DOCK1: variants seen among roughly 807,000 people sequenced by gnomAD.
DOCK1 encodes the protein dedicator of cytokinesis protein 1.
In DOCK1, 138 loss-of-function variants were observed where a neutral mutation model predicts 262.7. That is an observed-to-expected ratio of 0.53 (90% confidence interval 0.46 to 0.61). DOCK1 has a LOEUF of 0.61. Ranked by LOEUF, DOCK1 falls within the 20% of genes least tolerant of loss-of-function variation. The pLI, the probability that DOCK1 is intolerant of heterozygous loss-of-function variation, is 0.00. For missense variants in DOCK1, 1,908 were observed against 2,370.7 expected (o/e 0.80, Z 4.05); for synonymous variants, 866 against 867.4 (o/e 1.00, Z 0.03).
rs12266599 is a variant in DOCK1 at position 127,119,602 on chromosome 10, A to G, written c.2624-5872A>G. Among the ~76,000 whole-genome samples, 1,005 of 152,340 alleles carry G rather than the reference A, an allele frequency of 6.6e-3. 6 individuals are homozygous for G. The highest frequency in any genetic ancestry group is 0.012 in the Admixed American group (180 of 15,304). ...GTTGGAAAATAAGACAATTGACTATACAAGATGAATAGCAAACACCCCCCA... is the reference window on the plus strand; with the variant it reads ...GTTGGAAAATAAGACAATTGACTATGCAAGATGAATAGCAAACACCCCCCA... On this transcript the variant is annotated intron_variant, in intron 25 of 51. Coordinates refer to ENST00000623213, the MANE Select transcript of DOCK1 (RefSeq NM_001290223.2).
At chr10:127,013,881 A>T (rs1391503343) in intron 12 of DOCK1, among the ~76,000 whole-genome samples, 1 of 152,238 alleles carries the variant, frequency 6.6e-6, no homozygotes, top group Non-Finnish European at 1.5e-5. Flanking sequence ...TGATGTGGCC[A>T]GTGAGGGCAG....
intron 23 of DOCK1, among the ~76,000 whole-genome samples, chr10:127,096,869 G>T (rs2047939056): frequency 6.6e-6 from 1 of 152,080 alleles, no homozygotes. Context: ...CACTTTGGGA[G>T]GCCAAGACAG....
Position 127,419,651 on chromosome 10 carries a change from C to A in DOCK1, c.4693-15C>A. On this transcript the variant is annotated splice_polypyrimidine_tract_variant and intron_variant, in intron 45 of 51. Coordinates refer to ENST00000623213, the MANE Select transcript of DOCK1 (RefSeq NM_001290223.2). ...CTGAGCAGGTGCACTGAGCAACTCTCCTTGTCTCCACCAGGCCTTCTTTAC... is the reference window on the plus strand; with the variant it reads ...CTGAGCAGGTGCACTGAGCAACTCTACTTGTCTCCACCAGGCCTTCTTTAC... 1 of 1,593,912 alleles carries A rather than the reference C, an allele frequency of 6.3e-7. No homozygotes were observed. The highest frequency in any genetic ancestry group is 8.5e-7 in the Non-Finnish European group (1 of 1,169,596).
chr10:126,937,705 G>T (rs981433593), intron 1 of DOCK1, among the ~76,000 whole-genome samples: 3 of 151,460 alleles, frequency 2.0e-5, no homozygotes, highest in Non-Finnish European at 4.4e-5. Flanking sequence ...ATGTTTCTTT[G>T]TTTTTATTGA....
In DOCK1 at chr10:127,012,060, A is replaced by G. The variant is rs935862495; in HGVS notation, c.1059-172A>G. On this transcript the variant is annotated intron_variant, in intron 11 of 51. Coordinates refer to ENST00000623213, the MANE Select transcript of DOCK1 (RefSeq NM_001290223.2). This position sits in a 1 kb window ranked among gnomAD's most constrained non-coding sequence, Gnocchi z 4.0. ...TCGTGGTTCAGCATTTTCCTGATCA[A>G]TGCTTTTCCCTGTTTCTCTTGTCAC... Among the ~76,000 whole-genome samples the G allele has an allele frequency of 1.8e-4, 28 of 151,998 alleles. No homozygotes were observed. The highest frequency in any genetic ancestry group is 7.2e-5 in the African/African-American group (3 of 41,400).
chr10:127,048,595 A>G (rs943676429), intron 21 of DOCK1, among the ~76,000 whole-genome samples: 2 of 152,190 alleles, frequency 1.3e-5, no homozygotes, highest in Non-Finnish European at 2.9e-5. Context: ...CAAAGGTCTT[A>G]ACAATGCCTG....
At chr10:127,106,114 C>A in intron 23 of DOCK1, 117 bp from the exon 24 acceptor site, 1 of 1,073,532 alleles carries the variant, frequency 9.3e-7, no homozygotes, top group South Asian at 1.6e-5. Flanking sequence ...AGCCCCTCAT[C>A]TGGAAGTGAT....
chr10:126,970,343 T>A (rs2038006646), intron 1 of DOCK1, among the ~76,000 whole-genome samples: 1 of 152,240 alleles, frequency 6.6e-6, no homozygotes, highest in African/African-American at 2.4e-5. Context: ...TTTATTAATT[T>A]GGTTTCCAAA....
intron 27 of DOCK1, among the ~76,000 whole-genome samples, chr10:127,134,255 G>A (rs935890201): frequency 2.0e-5 from 3 of 152,140 alleles, no homozygotes; most frequent in Non-Finnish European, 4.4e-5. Flanking sequence ...AGTGTTGCAG[G>A]CCATCCTCCT....
Position 127,133,931 on chromosome 10 carries a change from G to T in DOCK1, c.2847+6167G>T, listed in dbSNP as rs1227157545. 4.6e-5 allele frequency among the ~76,000 whole-genome samples: 7 copies of T among 152,334 alleles called. No individual in the cohort carries two copies. In the East Asian group the frequency reaches 1.2e-3, roughly 25 times the overall value. ...AGTGATAGAGTTTCTGTAGGTCAAAGAAGACGTGCTGGTGTGGGAAGCAGC... is the reference window on the plus strand; with the variant it reads ...AGTGATAGAGTTTCTGTAGGTCAAATAAGACGTGCTGGTGTGGGAAGCAGC... On this transcript the variant is annotated intron_variant, in intron 27 of 51. Coordinates refer to ENST00000623213, the MANE Select transcript of DOCK1 (RefSeq NM_001290223.2).
At chr10:127,108,270 T>A (rs1188395654) in intron 24 of DOCK1, among the ~76,000 whole-genome samples, 1 of 152,110 alleles carries the variant, frequency 6.6e-6, no homozygotes, top group African/African-American at 2.4e-5. Context: ...CTTACACACA[T>A]ACGTACACAC....
At chr10:127,310,943 G>A (rs2062042610) in intron 29 of DOCK1, among the ~76,000 whole-genome samples, 1 of 152,274 alleles carries the variant, frequency 6.6e-6, no homozygotes, top group African/African-American at 2.4e-5. Context: ...ATGCAGGCAG[G>A]CTTGTATCGT....
intron 47 of DOCK1, among the ~76,000 whole-genome samples, chr10:127,430,750 TG>T (rs1399852430): frequency 1.3e-5 from 2 of 152,144 alleles, no homozygotes; most frequent in Non-Finnish European, 2.9e-5. Context: ...TACCCTTCCT[TG>T]TACAGCACTG....
At chr10:127,409,534 A>G (rs2067722114) in intron 42 of DOCK1, 143 bp downstream of exon 42, 3 of 836,624 alleles carry the variant, frequency 3.6e-6, no homozygotes, top group South Asian at 1.7e-5. Flanking sequence ...TTTGAAGAGC[A>G]AGGGAAGCTA....
At chr10:127,412,241 C>T (rs1012319124) in intron 43 of DOCK1, among the ~76,000 whole-genome samples, 48 of 152,106 alleles carry the variant, frequency 3.2e-4, no homozygotes, top group African/African-American at 1.1e-3. Context: ...GGATTACAGG[C>T]GTGAGCCACC....
intron 22 of DOCK1, among the ~76,000 whole-genome samples, chr10:127,057,881 C>T (rs542723974): frequency 6.6e-6 from 1 of 152,280 alleles, no homozygotes; most frequent in Non-Finnish European, 1.5e-5. Flanking sequence ...AGTTAATAGA[C>T]AAAGATCCTG....
chr10:127,359,912 G>C (rs1002661275), intron 32 of DOCK1, among the ~76,000 whole-genome samples: 1 of 152,162 alleles, frequency 6.6e-6, no homozygotes, highest in African/African-American at 2.4e-5. Flanking sequence ...TACATTGCTG[G>C]TGTTAAAATA....
rs368640581 is a variant in DOCK1, at chr10:127,111,179, C to T, written c.2623+825C>T. ...TAAGTTACGGGCTGGGTTTGGAACACACTCTGTGCTTGGCTTGGTCCTTTG... is the reference window on the plus strand; with the variant it reads ...TAAGTTACGGGCTGGGTTTGGAACATACTCTGTGCTTGGCTTGGTCCTTTG... On this transcript the variant is annotated intron_variant, in intron 25 of 51. Transcript: ENST00000623213. Among the ~76,000 whole-genome samples, 58 of 152,294 alleles carry T rather than the reference C, an allele frequency of 3.8e-4. No individual in the cohort carries two copies. In the South Asian group the frequency reaches 0.012, roughly 31 times the overall value.
intron 23 of DOCK1, among the ~76,000 whole-genome samples, chr10:127,102,380 G>T (rs1369014007): frequency 6.6e-6 from 1 of 152,188 alleles, no homozygotes; most frequent in Non-Finnish European, 1.5e-5. Flanking sequence ...GACAGGTGCA[G>T]AATACTTACG....
Sources: allele counts gnomAD v4.1 joint callset (sites outside exome capture counted in the v4.1 genomes callset), GRCh38; gene constraint gnomAD v4.1.1; non-coding constraint Gnocchi (gnomAD v3.1); transcripts MANE v1.5; gene names NCBI Gene and HGNC (gene_info 2026-07-23, HGNC 2026-07-21).